Variants in IFNGR2 observed in about 807,000 individuals in gnomAD.
IFNGR2 encodes interferon gamma receptor 2.
A neutral mutation model predicts 41.1 loss-of-function variants in IFNGR2; 15 were observed. That is an observed-to-expected ratio of 0.37 (90% CI 0.24 to 0.56). The LOEUF is 0.56. Among genes scored for constraint, IFNGR2 ranks in the 20% least tolerant of loss-of-function variants. The pLI is 0.81. For missense variants in IFNGR2, 362 were observed against 415.7 expected (o/e 0.87, Z 1.12); for synonymous variants, 161 against 171.6 (o/e 0.94, Z 0.48).
At position 33,437,211 on chromosome 21, in the gene IFNGR2, T is replaced by TA. The variant is rs1555882560; in HGVS notation, c.*252dup. On this transcript the variant is annotated 3_prime_UTR_variant, in exon 7 of 7. Coordinates refer to ENST00000290219, the MANE Select transcript of IFNGR2 (RefSeq NM_005534.4). ...ATCCCAGGAAAATTAAGGCTTCTCTTAAACACTAAAAAGGCATGTAATTGC... is the reference window on the plus strand; with the variant it reads ...ATCCCAGGAAAATTAAGGCTTCTCTTAAAACACTAAAAAGGCATGTAATTGC... 4 of 483,614 alleles carry TA rather than the reference T, an allele frequency of 8.3e-6. No homozygotes were observed. Among genetic ancestry groups the TA allele is most frequent in the East Asian group, 3.9e-5 (1 of 25,840 alleles). The allele number at this position is 483,614 out of a possible 1,614,324, so 30.0% of individuals were successfully genotyped here.
intron 6 of IFNGR2, among the ~76,000 whole-genome samples, chr21:33,435,882 CAAAAAAAAAAA>C (rs35251279): frequency 1.5e-4 from 7 of 48,244 alleles, no homozygotes; most frequent in African/African-American, 3.9e-4. Context: ...GACTCCGTCT[CAAAAAAAAAAA>C]AAAAAAAAAA....
At chr21:33,414,853 C>T (rs771869632) in intron 1 of IFNGR2, 35 bp from the exon 2 acceptor site, 3 of 1,590,348 alleles carry the variant, frequency 1.9e-6, no homozygotes, top group East Asian at 4.6e-5. Flanking sequence ...TCTCTCCTCC[C>T]TTCCTCCCTC....
chr21:33,429,372 T>C (rs1424936616), intron 4 of IFNGR2, among the ~76,000 whole-genome samples: 1 of 152,160 alleles, frequency 6.6e-6, no homozygotes, highest in Non-Finnish European at 1.5e-5. Flanking sequence ...AGAATTTCAC[T>C]CTGTCTCCCA....
At chr21:33,416,154 G>C (rs1025948313) in intron 2 of IFNGR2, among the ~76,000 whole-genome samples, 2 of 152,244 alleles carry the variant, frequency 1.3e-5, no homozygotes, top group Admixed American at 1.3e-4. Context: ...GAGCCACCGT[G>C]CCCAGCCTTC....
In IFNGR2 at chr21:33,414,722, C is replaced by T. The variant is rs188210835; in HGVS notation, c.74-166C>T. On this transcript the variant is annotated intron_variant, in intron 1 of 6. Coordinates refer to ENST00000290219, the MANE Select transcript of IFNGR2 (RefSeq NM_005534.4). The stretch of plus-strand genomic sequence containing the variant: ...TAGGGCCATCTTTGTAGCCAAAAGT[C>T]GGGGGTGTGGGGCCATGCCCAGGGG... Among the ~76,000 whole-genome samples, 12 of 152,286 alleles carry T rather than the reference C, an allele frequency of 7.9e-5. No homozygotes were observed. The East Asian group carries it at 1.9e-3, about 24-fold the overall frequency.
intron 1 of IFNGR2, among the ~76,000 whole-genome samples, chr21:33,404,970 A>G (rs959413747): frequency 2.0e-5 from 3 of 152,154 alleles, no homozygotes; most frequent in Non-Finnish European, 4.4e-5. Context: ...CTAAAAATAC[A>G]TAGCTGGGCG....
Position 33,436,958 on chromosome 21 carries a change from T to C in IFNGR2, c.1010T>C (p.Leu337Pro). The change falls in exon 7 of 7, where the codon CTT becomes CCT. Residue 337 changes from leucine to proline, a missense_variant. By Grantham distance (98) the Leu-to-Pro change is moderately conservative. Transcript: ENST00000290219. ...EKEQEDVLQT[L>P] ...GAGCAAGAAGATGTTCTCCAAACGC[T>C]TTGAACCAAAGCATGGGCCTAGCCC... is the stretch of plus-strand genomic sequence containing the variant. 6.2e-7 allele frequency: 1 copy of C among 1,613,990 alleles called. No homozygotes were observed. The highest frequency in any genetic ancestry group is 8.5e-7 in the Non-Finnish European group (1 of 1,179,934).
intron 1 of IFNGR2, among the ~76,000 whole-genome samples, chr21:33,406,306 G>A (rs1367071333): frequency 6.6e-6 from 1 of 151,856 alleles, no homozygotes; most frequent in Non-Finnish European, 1.5e-5. Flanking sequence ...AACCTGGGAG[G>A]GGAGGTTGCA....
chr21:33,411,684 C>T (rs1197892112), intron 1 of IFNGR2: 1 of 310,212 alleles, frequency 3.2e-6, no homozygotes, highest in African/African-American at 2.2e-5. Context: ...AGGTTCAGTA[C>T]CAGGGAGACA....
Position 33,403,543 on chromosome 21 carries a change from C to T in IFNGR2, c.-1C>T. The T allele has an allele frequency of 1.5e-6, 2 of 1,318,298 alleles. No individual in the cohort carries two copies. The highest frequency in any genetic ancestry group is 1.9e-6 in the Non-Finnish European group (2 of 1,027,114). 81.7% of individuals were successfully genotyped at this position (1,318,298 alleles called of 1,614,324 possible). On this transcript the variant is annotated 5_prime_UTR_variant, in exon 1 of 7. Transcript: ENST00000290219. ...TGAGCCGCCGCCGAGCGCCCGGGGC[C>T]ATGCGACCGACGCTGCTGTGGTCGC...
chr21:33,433,002 C>T, intron 6 of IFNGR2, 131 bp downstream of exon 6: 1 of 774,778 alleles, frequency 1.3e-6, no homozygotes, highest in Non-Finnish European at 2.2e-6. Flanking sequence ...TCTCCTGCCT[C>T]AGCCTCCTGA....
At chr21:33,406,117 A>C (rs1276722198) in intron 1 of IFNGR2, among the ~76,000 whole-genome samples, 1 of 152,170 alleles carries the variant, frequency 6.6e-6, no homozygotes, top group African/African-American at 2.4e-5. Flanking sequence ...TCATGCCTGT[A>C]ATCCCATTAC....
chr21:33,436,224 G>A (rs1409046810), intron 6 of IFNGR2, among the ~76,000 whole-genome samples: 1 of 150,594 alleles, frequency 6.6e-6, no homozygotes, highest in African/African-American at 2.4e-5. Context: ...GTGTGGTGGT[G>A]CATGCCTGTA....
intron 1 of IFNGR2, among the ~76,000 whole-genome samples, chr21:33,412,392 T>C (rs1300369834): frequency 6.6e-6 from 1 of 152,224 alleles, no homozygotes; most frequent in East Asian, 1.9e-4. Context: ...TATGTGCCTA[T>C]GTGTGGTATT....
chr21:33,432,880 G>T lies in IFNGR2; in HGVS notation c.879+9G>T. ...CATTACAGATAGAAGAGGTACGTGT[G>T]CACACATCTCTTTTTTTTTTTTTGA... On this transcript the variant is annotated intron_variant, in intron 6 of 6. Coordinates refer to ENST00000290219, the MANE Select transcript of IFNGR2 (RefSeq NM_005534.4). 1 of 1,603,030 alleles carries T rather than the reference G, an allele frequency of 6.2e-7. No individual in the cohort carries two copies.
In IFNGR2 at chr21:33,432,161, G is replaced by A. The variant is rs1468245321; in HGVS notation, c.562-16G>A. On this transcript the variant is annotated splice_polypyrimidine_tract_variant and intron_variant, in intron 4 of 6. Transcript: ENST00000290219. ...CATGTTCATTTACATGTGTGCTTGTGATGTTTTTAAAACAGGTCAAAGGCC... is the reference window on the plus strand; with the variant it reads ...CATGTTCATTTACATGTGTGCTTGTAATGTTTTTAAAACAGGTCAAAGGCC... The A allele has an allele frequency of 6.2e-7, 1 of 1,612,594 alleles. No individual in the cohort carries two copies.
intron 5 of IFNGR2, 94 bp downstream of exon 5, chr21:33,432,430 G>A: frequency 4.1e-6 from 5 of 1,227,348 alleles, no homozygotes; most frequent in South Asian, 3.6e-5. Flanking sequence ...ATGGGTGGTG[G>A]GAGTGGGGAG....
At position 33,421,499 on chromosome 21, in the gene IFNGR2, A is replaced by G; in HGVS notation, c.226A>G (p.Thr76Ala). The G allele has an allele frequency of 1.2e-6, 2 of 1,614,018 alleles. No homozygotes were observed. Among genetic ancestry groups the G allele is most frequent in the Non-Finnish European group, 8.5e-7 (1 of 1,179,926 alleles). Residue 76 changes from threonine to alanine, a missense_variant, in exon 3 of 7, where the codon ACG (threonine) becomes GCG (alanine). By Grantham distance (58) the Thr-to-Ala change is moderately conservative. Transcript: ENST00000290219. ...QFKYTDSKWF[T>A]ADIMSIGVNC... ...TCCCAGCACCGACAGTAAATGGTTC[A>G]CGGCCGACATCATGTCCATAGGGGT... is the stretch of plus-strand genomic sequence containing the variant.
chr21:33,433,473 T>C (rs1415717643), intron 6 of IFNGR2, among the ~76,000 whole-genome samples: 1 of 152,202 alleles, frequency 6.6e-6, no homozygotes, highest in Non-Finnish European at 1.5e-5. Flanking sequence ...ACCACACACA[T>C]GGACCTTGAG....
Sources: allele counts gnomAD v4.1 joint callset (sites outside exome capture counted in the v4.1 genomes callset), GRCh38; gene constraint gnomAD v4.1.1; transcripts MANE v1.5; gene names NCBI Gene and HGNC (gene_info 2026-07-23, HGNC 2026-07-21).